The following ARG1 variants were observed in gnomAD, a reference collection of about 807,000 sequenced individuals.
The protein encoded by ARG1 is arginase-1.
In ARG1, 20 loss-of-function variants were observed where a neutral mutation model predicts 33.0. The ratio of observed to expected loss-of-function variants is 0.61; its 90% CI spans 0.43 to 0.88. The LOEUF is 0.88. ARG1 is among the 40% of genes least tolerant of loss of function. The probability of loss-of-function intolerance (pLI) is 0.00; values close to 1 mark genes in which losing one functional copy is unlikely to be tolerated. For missense variants in ARG1, 374 were observed against 384.7 expected, an observed-to-expected ratio of 0.97 and a Z score of 0.23; for synonymous variants, 146 against 140.6, an observed-to-expected ratio of 1.04 and a Z score of -0.27.
At chr6:131,576,639 G>C in intron 1 of ARG1, 24 bp from the exon 2 acceptor site, 1 of 1,598,920 alleles carries the variant, frequency 6.3e-7, no homozygotes, top group Non-Finnish European at 8.6e-7. Context: ...AATGTCTGAA[G>C]TACTTTATTT....
intron 1 of ARG1, among the ~76,000 whole-genome samples, chr6:131,575,948 A>G (rs1773591327): frequency 6.6e-6 from 1 of 152,170 alleles, no homozygotes; most frequent in South Asian, 2.1e-4. Flanking sequence ...TTTCTCCCCA[A>G]GAGCTCTAGC....
At chr6:131,578,987 T>C in intron 2 of ARG1, 124 bp from the exon 3 acceptor site, 1 of 1,131,924 alleles carries the variant, frequency 8.8e-7, no homozygotes, top group Non-Finnish European at 1.2e-6. Context: ...TTTACAGACC[T>C]TTCAGGTTTT....
At chr6:131,576,621 G>A (rs775853882) in intron 1 of ARG1, 42 bp from the exon 2 acceptor site, 2 of 1,554,776 alleles carry the variant, frequency 1.3e-6, no homozygotes, top group African/African-American at 2.7e-5. Flanking sequence ...GCATCTGATG[G>A]TCATGATAAT....
At chr6:131,579,505 G>T (rs892750885) in intron 3 of ARG1, 1 of 428,398 alleles carries the variant, frequency 2.3e-6, no homozygotes, top group Non-Finnish European at 4.2e-6. Flanking sequence ...TAGTACAGCA[G>T]AAAATGTATG....
chr6:131,582,808 CATCA>C (rs1249788177), intron 5 of ARG1, 93 bp downstream of exon 5: 2 of 1,031,660 alleles, frequency 1.9e-6, no homozygotes, highest in Non-Finnish European at 3.1e-6. Context: ...GAAAATTAAA[CATCA>C]AGACACACAC....
chr6:131,581,387 CTG>C lies in ARG1; in HGVS notation c.465+10_465+11del, dbSNP rs763780314. 1 of 1,610,014 alleles carries C rather than the reference CTG, an allele frequency of 6.2e-7. No individual in the cohort carries two copies. Among genetic ancestry groups the C allele is most frequent in the South Asian group, 1.1e-5 (1 of 90,442 alleles). Reference sequence around the variant, plus strand: ...AGGAACTAAAAGGAAAGGTAAAAGACTGGTTGGTACTCTAGTGCAATAGAATA... The same window carrying C: ...AGGAACTAAAAGGAAAGGTAAAAGACGTTGGTACTCTAGTGCAATAGAATA... On this transcript the variant is annotated intron_variant, in intron 4 of 7. Transcript: ENST00000368087.
In ARG1 at chr6:131,584,103, G is replaced by A. The variant is rs917342667; in HGVS notation, c.*195G>A. 17 of 638,928 alleles carry A rather than the reference G, an allele frequency of 2.7e-5. No homozygotes were observed. Among genetic ancestry groups the A allele is most frequent in the Non-Finnish European group, 3.9e-5 (15 of 386,300 alleles). The allele number at this position is 638,928 out of a possible 1,614,324, so 39.6% of individuals were successfully genotyped here. A position where few individuals can be genotyped will look rare whatever the true frequency, so the allele number is the denominator to read the frequency against. On this transcript the variant is annotated 3_prime_UTR_variant, in exon 8 of 8. Transcript: ENST00000368087. Reference sequence around the variant, plus strand: ...ATTCTAACTTTTTTGAAATTTAAAAGCTTATATTTTCTAACTTGGCAAAAG... The same window carrying A: ...ATTCTAACTTTTTTGAAATTTAAAAACTTATATTTTCTAACTTGGCAAAAG...
chr6:131,581,043 G>T (rs1182856043), intron 3 of ARG1, among the ~76,000 whole-genome samples, 176 bp from the exon 4 acceptor site: 2 of 152,188 alleles, frequency 1.3e-5, no homozygotes, highest in Non-Finnish European at 2.9e-5. Context: ...TGAGCATTAA[G>T]TGTAAGTTAT....
chr6:131,577,165 T>C (rs978977268), intron 2 of ARG1, among the ~76,000 whole-genome samples: 117 of 152,324 alleles, frequency 7.7e-4, no homozygotes, highest in African/African-American at 2.7e-3. Flanking sequence ...TATATATACA[T>C]ACATATACAT....
rs777639743 is a variant in ARG1, at chr6:131,583,451, C to T, written c.762C>T (p.Tyr254=). Residue 254 remains tyrosine (Y), a synonymous_variant, in exon 7 of 8, where the codon TAC becomes TAT. Coordinates refer to ENST00000368087, the MANE Select transcript of ARG1 (RefSeq NM_000045.4). ...CACCAGTCGTGGGAGGTCTGACATACAGAGAAGGTCTCTACATCACAGAAG... is the reference window on the plus strand; with the variant it reads ...CACCAGTCGTGGGAGGTCTGACATATAGAGAAGGTCTCTACATCACAGAAG... ...TGTPVVGGLT[Y]REGLYITEEI... 3.7e-6 allele frequency: 6 copies of T among 1,614,110 alleles called. No individual in the cohort carries two copies. The highest frequency in any genetic ancestry group is 1.1e-5 in the South Asian group (1 of 91,078).
chr6:131,580,155 A>T (rs980675346), intron 3 of ARG1, among the ~76,000 whole-genome samples: 3 of 152,190 alleles, frequency 2.0e-5, no homozygotes, highest in African/African-American at 7.2e-5. Flanking sequence ...ATTAGATCTA[A>T]AAGTAGAAAC....
At position 131,583,880 on chromosome 6, in the gene ARG1, C is replaced by T. The variant is rs1774069594; in HGVS notation, c.941C>T (p.Pro314Leu). 1 of 1,614,092 alleles carries T rather than the reference C, an allele frequency of 6.2e-7. No homozygotes were observed. The highest frequency in any genetic ancestry group is 8.5e-7 in the Non-Finnish European group (1 of 1,179,994). ...CTTGCTCGGGAGGGTAATCACAAGC[C>T]TATTGACTACCTTAACCCACCTAAG... is the stretch of plus-strand genomic sequence containing the variant. The part of the protein sequence containing the change: ...FGLAREGNHK[P>L]IDYLNPPK The change falls in exon 8 of 8, where the codon CCT becomes CTT. Residue 314 changes from proline (P) to leucine (L), a missense_variant. By Grantham distance (98) the Pro-to-Leu change is moderately conservative (BLOSUM62 -3). Coordinates refer to ENST00000368087, the MANE Select transcript of ARG1 (RefSeq NM_000045.4).
In ARG1 at chr6:131,573,343, A is replaced by G. The variant is rs1773468628; in HGVS notation, c.57+4A>G. On this transcript the variant is annotated splice_donor_region_variant and intron_variant, in intron 1 of 7. Coordinates refer to ENST00000368087, the MANE Select transcript of ARG1 (RefSeq NM_000045.4). The stretch of plus-strand genomic sequence containing the variant: ...AGCTCCTTTCTCAAAGGGACAGGTA[A>G]GGAAAAAAGTCTTTCTTTGAATTCC... 1.2e-6 allele frequency: 2 copies of G among 1,613,870 alleles called. No homozygotes were observed. Among genetic ancestry groups the G allele is most frequent in the African/African-American group, 2.7e-5 (2 of 74,904 alleles).
At chr6:131,579,386 CCT>C (rs1162875880) in intron 3 of ARG1, 101 bp downstream of exon 3, 29 of 1,343,374 alleles carry the variant, frequency 2.2e-5, no homozygotes, top group Non-Finnish European at 2.9e-5. Context: ...AAAGCATTGA[CCT>C]ATATTTTATA....
intron 3 of ARG1, 64 bp downstream of exon 3, chr6:131,579,349 G>A: frequency 6.4e-7 from 1 of 1,573,268 alleles, no homozygotes; most frequent in Non-Finnish European, 8.7e-7. Context: ...GCCATAAGAA[G>A]AGAGAAAATT....
intron 4 of ARG1, 62 bp downstream of exon 4, chr6:131,581,440 G>A: frequency 6.6e-7 from 1 of 1,507,134 alleles, no homozygotes; most frequent in Middle Eastern, 1.8e-4. Context: ...TCAGGAGGTG[G>A]AAGGGAAATG....
Position 131,583,832 on chromosome 6 carries a change from C to G in ARG1, c.893C>G (p.Ala298Gly). 6.2e-7 allele frequency: 1 copy of G among 1,614,160 alleles called. No homozygotes were observed. The highest frequency in any genetic ancestry group is 8.5e-7 in the Non-Finnish European group (1 of 1,180,014). Residue 298 changes from alanine (A) to glycine (G), a missense_variant, in exon 8 of 8, where the codon GCA (alanine) becomes GGA (glycine). Transcript: ENST00000368087. ...ACTCGAACAGTGAACACAGCAGTTG[C>G]AATAACCTTGGCTTGTTTCGGACTT... ...EVTRTVNTAVAITLACFGLAR... is the reference protein window; with the variant it reads ...EVTRTVNTAVGITLACFGLAR...
At position 131,573,346 on chromosome 6, in the gene ARG1, A is replaced by G. The variant is rs1286940479; in HGVS notation, c.57+7A>G. ...TCCTTTCTCAAAGGGACAGGTAAGGAAAAAAGTCTTTCTTTGAATTCCTGG... is the reference window on the plus strand; with the variant it reads ...TCCTTTCTCAAAGGGACAGGTAAGGGAAAAAGTCTTTCTTTGAATTCCTGG... On this transcript the variant is annotated splice_region_variant and intron_variant, in intron 1 of 7. Transcript: ENST00000368087. 6.2e-7 allele frequency: 1 copy of G among 1,613,932 alleles called. No homozygotes were observed. The highest frequency in any genetic ancestry group is 8.5e-7 in the Non-Finnish European group (1 of 1,179,888).
At position 131,579,542 on chromosome 6, in the gene ARG1, T is replaced by C. The variant is rs140674874; in HGVS notation, c.305+257T>C. The C allele has an allele frequency of 1.9e-3, 679 of 348,390 alleles. 4 individuals are homozygous for C. Among genetic ancestry groups the C allele is most frequent in the African/African-American group, 0.013 (632 of 47,508 alleles). The allele number at this position is 348,390 out of a possible 1,614,324, so 21.6% of individuals were successfully genotyped here. On this transcript the variant is annotated intron_variant, in intron 3 of 7. Coordinates refer to ENST00000368087, the MANE Select transcript of ARG1 (RefSeq NM_000045.4). The stretch of plus-strand genomic sequence containing the variant: ...AATATGAATGGATTTCATCTAAATA[T>C]TCATCACAAGCTTACATTTCTAAAT...
Sources: gnomAD v4.1 joint callset for allele counts (sites outside exome capture counted in the v4.1 genomes callset) on GRCh38, gnomAD v4.1.1 for gene constraint, MANE v1.5 for transcripts, NCBI Gene and HGNC (gene_info 2026-07-23, HGNC 2026-07-21) for gene names.